The following XRCC4 variants were observed in gnomAD, a reference collection of about 807,000 sequenced individuals.
The protein encoded by XRCC4 is DNA repair protein XRCC4.
A neutral mutation model predicts 39.1 loss-of-function variants in XRCC4; 28 were observed. The ratio of observed to expected loss-of-function variants is 0.72; its 90% CI spans 0.53 to 0.98. XRCC4 has a LOEUF of 0.98. Among genes scored for constraint, XRCC4 ranks in the 50% least tolerant of loss-of-function variants. XRCC4 has a pLI of 0.00. For missense variants in XRCC4, 350 were observed against 376.4 expected (o/e 0.93, Z 0.58); for synonymous variants, 123 against 126.4 (o/e 0.97, Z 0.18).
rs28360176 is a variant in XRCC4 at position 83,221,876 on chromosome 5, A to G, written c.745+16955A>G. Among the ~76,000 whole-genome samples, 523 of 151,912 alleles carry G rather than the reference A, an allele frequency of 3.4e-3. 14 individuals are homozygous for G. The East Asian group carries it at 0.045, about 13-fold the overall frequency. On this transcript the variant is annotated intron_variant, in intron 6 of 7. Transcript: ENST00000396027. ...TTTTATTTAGTGGATATAAATTTAG[A>G]ATTGTTATAGCTTATTGGTGAATTG...
At chr5:83,158,187 C>G (rs747319038) in intron 3 of XRCC4, among the ~76,000 whole-genome samples, 2 of 152,008 alleles carry the variant, frequency 1.3e-5, no homozygotes, top group Non-Finnish European at 2.9e-5. Context: ...AAGTAAAGGA[C>G]GAATAACGTC....
chr5:83,279,424 T>C (rs1459968100), intron 7 of XRCC4, among the ~76,000 whole-genome samples: 1 of 152,180 alleles, frequency 6.6e-6, no homozygotes, highest in South Asian at 2.1e-4. Flanking sequence ...CACAAAACAA[T>C]TTTTAAAATA....
chr5:83,131,275 G>T (rs567707129), intron 3 of XRCC4, among the ~76,000 whole-genome samples: 8 of 152,262 alleles, frequency 5.3e-5, no homozygotes, highest in Non-Finnish European at 1.0e-4. Flanking sequence ...GTAGTTGGCA[G>T]TTTTGAGTGA....
intron 3 of XRCC4, among the ~76,000 whole-genome samples, chr5:83,136,802 T>G (rs1362410466): frequency 6.6e-6 from 1 of 152,230 alleles, no homozygotes; most frequent in African/African-American, 2.4e-5. Flanking sequence ...GGCATTTTCT[T>G]TATTTTTAAA....
intron 6 of XRCC4, among the ~76,000 whole-genome samples, chr5:83,215,428 T>C (rs143715101): frequency 6.6e-6 from 1 of 152,138 alleles, no homozygotes; most frequent in Non-Finnish European, 1.5e-5. Context: ...TCCCAGCTGG[T>C]TTTTTAGCAA....
chr5:83,311,464 A>G (rs562200423), intron 7 of XRCC4, among the ~76,000 whole-genome samples: 1 of 152,320 alleles, frequency 6.6e-6, no homozygotes, highest in South Asian at 2.1e-4. Context: ...AAATTATCAC[A>G]TGTATACCCA....
chr5:83,367,068 C>T, the XRCC4 span, among the ~76,000 whole-genome samples: 31 of 152,186 alleles, frequency 2.0e-4, 1 homozygote, highest in Middle Eastern at 3.4e-3. Context: ...TTGCCTAGAA[C>T]GATGTTGGGT....
At chr5:83,085,389 A>G (rs1215986977) in intron 1 of XRCC4, among the ~76,000 whole-genome samples, 2 of 152,198 alleles carry the variant, frequency 1.3e-5, no homozygotes, top group Non-Finnish European at 2.9e-5. Flanking sequence ...AATACGGAAC[A>G]TGTCCAAATG....
intron 3 of XRCC4, among the ~76,000 whole-genome samples, chr5:83,137,739 T>G (rs7731427): frequency 1.9e-3 from 290 of 152,232 alleles, no homozygotes; most frequent in African/African-American, 6.5e-3. Flanking sequence ...AGGATTTAAT[T>G]AATTAGTGTG....
chr5:83,199,252 G>A (rs187995067), intron 4 of XRCC4, among the ~76,000 whole-genome samples: 30 of 152,166 alleles, frequency 2.0e-4, no homozygotes, highest in Admixed American at 1.6e-3. Flanking sequence ...AAGAACTGTC[G>A]CAGTCAGAAA....
chr5:83,209,394 T>C (rs539184709), intron 6 of XRCC4, among the ~76,000 whole-genome samples: 1 of 152,208 alleles, frequency 6.6e-6, no homozygotes, highest in East Asian at 1.9e-4. Flanking sequence ...CTAAGAACAG[T>C]TTCGCATTGT....
chr5:83,132,394 G>A (rs758392617), intron 3 of XRCC4, among the ~76,000 whole-genome samples: 7 of 151,976 alleles, frequency 4.6e-5, no homozygotes, highest in South Asian at 2.1e-4. Flanking sequence ...TCTTTGTGAC[G>A]TTGTCTGTAT....
At chr5:83,309,007 C>T (rs1159138854) in intron 7 of XRCC4, among the ~76,000 whole-genome samples, 4 of 151,748 alleles carry the variant, frequency 2.6e-5, no homozygotes, top group African/African-American at 4.8e-5. Flanking sequence ...CAGCCCAGCA[C>T]GGTGGCTCAC....
At chr5:83,118,075 CACATATGT>C (rs1263730466) in intron 3 of XRCC4, among the ~76,000 whole-genome samples, 2 of 128,790 alleles carry the variant, frequency 1.6e-5, no homozygotes, top group African/African-American at 7.4e-5. Context: ...CACACACACA[CACATATGT>C]ATATAGTGAA....
At chr5:83,252,684 C>T (rs1445834825) in intron 6 of XRCC4, among the ~76,000 whole-genome samples, 2 of 151,976 alleles carry the variant, frequency 1.3e-5, no homozygotes, top group African/African-American at 4.8e-5. Flanking sequence ...GGTTTATATA[C>T]ATTTTCTCAG....
intron 3 of XRCC4, among the ~76,000 whole-genome samples, chr5:83,117,697 A>G (rs565854998): frequency 9.9e-5 from 15 of 151,256 alleles, no homozygotes; most frequent in South Asian, 6.3e-4. Flanking sequence ...GTATGTATAT[A>G]TAAACATTTT....
Position 83,111,107 on chromosome 5 carries a change from A to T in XRCC4, c.219A>T (p.Ala73=). ...KGKYVGELRK[A]LLSGAGPADV... is the part of the protein sequence containing the mutation. ...AATATGTTGGTGAACTGAGAAAAGCATTGTTGTCAGGAGCAGGACCAGCTG... is the reference window on the plus strand; with the variant it reads ...AATATGTTGGTGAACTGAGAAAAGCTTTGTTGTCAGGAGCAGGACCAGCTG... Residue 73 remains alanine, a synonymous_variant, in exon 3 of 8, where the codon GCA becomes GCT. Transcript: ENST00000396027. 1 of 1,612,062 alleles carries T rather than the reference A, an allele frequency of 6.2e-7. No homozygotes were observed. Among genetic ancestry groups the T allele is most frequent in the African/African-American group, 1.3e-5 (1 of 74,914 alleles).
At chr5:83,335,345 T>G (rs776828198) in intron 7 of XRCC4, among the ~76,000 whole-genome samples, 2 of 151,766 alleles carry the variant, frequency 1.3e-5, no homozygotes, top group Non-Finnish European at 2.9e-5. Flanking sequence ...TTACTTATAA[T>G]TATTAACAAC....
intron 7 of XRCC4, among the ~76,000 whole-genome samples, chr5:83,281,794 C>T (rs907942829): frequency 1.3e-5 from 2 of 152,158 alleles, no homozygotes. Context: ...GTCTGACTAC[C>T]TTTGCCTGGA....
Sources: gnomAD v4.1 joint callset for allele counts (sites outside exome capture counted in the v4.1 genomes callset) on GRCh38, gnomAD v4.1.1 for gene constraint, MANE v1.5 for transcripts, NCBI Gene and HGNC (gene_info 2026-07-23, HGNC 2026-07-21) for gene names.